MEGF9: variants seen among roughly 807,000 people sequenced by gnomAD.
MEGF9 encodes multiple epidermal growth factor-like domains protein 9.
A neutral mutation model predicts 46.8 loss-of-function variants in MEGF9; 6 were observed. That is an observed-to-expected ratio of 0.13 (90% CI 0.07 to 0.25). The LOEUF is 0.25. Among genes scored for constraint, MEGF9 ranks in the 10% least tolerant of loss-of-function variants. The pLI is 1.00. For missense variants in MEGF9, 683 were observed against 792.4 expected, an observed-to-expected ratio of 0.86 and a Z score of 1.66; for synonymous variants, 302 against 330.7, an observed-to-expected ratio of 0.91 and a Z score of 0.94.
intron 1 of MEGF9, among the ~76,000 whole-genome samples, chr9:120,664,737 A>T (rs1300385318): frequency 6.6e-6 from 1 of 152,222 alleles, no homozygotes. Flanking sequence ...TGGTGGCTAT[A>T]ACTAATACAG....
At chr9:120,673,587 T>C (rs1014561692) in intron 1 of MEGF9, among the ~76,000 whole-genome samples, 1 of 151,810 alleles carries the variant, frequency 6.6e-6, no homozygotes, top group African/African-American at 2.4e-5. Context: ...AAGGATGCTT[T>C]TTTTTTTTTA....
intron 1 of MEGF9, among the ~76,000 whole-genome samples, chr9:120,705,317 T>C (rs1391942880): frequency 6.6e-6 from 1 of 151,714 alleles, no homozygotes; most frequent in Non-Finnish European, 1.5e-5. Flanking sequence ...CACTAACACA[T>C]CTTTAAGGAC....
chr9:120,713,462 T>G (rs868029180), intron 1 of MEGF9, among the ~76,000 whole-genome samples: 1 of 152,094 alleles, frequency 6.6e-6, no homozygotes, highest in Non-Finnish European at 1.5e-5. Flanking sequence ...AACCCAAAAG[T>G]TTGCGCCCAT....
At chr9:120,625,562 G>A (rs1267562340) in intron 2 of MEGF9, among the ~76,000 whole-genome samples, 1 of 151,574 alleles carries the variant, frequency 6.6e-6, no homozygotes, top group African/African-American at 2.4e-5. Context: ...TCGGCCAGGT[G>A]CAGTGGCTCA....
chr9:120,665,178 C>T (rs1249201712), intron 1 of MEGF9, among the ~76,000 whole-genome samples: 2 of 151,476 alleles, frequency 1.3e-5, no homozygotes, highest in Non-Finnish European at 2.9e-5. Flanking sequence ...TTCTCACCTA[C>T]CCTTCATGGC....
At position 120,713,854 on chromosome 9, in the gene MEGF9, T is replaced by G; in HGVS notation, c.505A>C (p.Thr169Pro). The G allele has an allele frequency of 7.7e-7, 1 of 1,297,142 alleles. No homozygotes were observed. The highest frequency in any genetic ancestry group is 2.9e-5 in the South Asian group (1 of 33,940). The allele number at this position is 1,297,142 out of a possible 1,614,324, so 80.4% of individuals were successfully genotyped here. A position where few individuals can be genotyped will look rare whatever the true frequency, so the allele number is the denominator to read the frequency against. Residue 169 changes from threonine to proline, a missense_variant, in exon 1 of 6, where the codon ACT becomes CCT. Physicochemically the swap from Thr to Pro is conservative, Grantham distance 38 (BLOSUM62 -1). Transcript: ENST00000373930. ...AGATCGGGGGTCGGGGTCCGGGGAG[T>G]CGTGGGCGCCGGTACGGTGGTCGCT... The part of the protein sequence containing the change: ...PVATTVPAPT[T>P]PRTPTPDLPS...
intron 1 of MEGF9, among the ~76,000 whole-genome samples, chr9:120,711,953 A>G (rs1278636572): frequency 6.6e-6 from 1 of 152,096 alleles, no homozygotes; most frequent in African/African-American, 2.4e-5. Flanking sequence ...AGTAAGTGTT[A>G]ACTTATTTAA....
At chr9:120,693,467 A>G (rs1342582608) in intron 1 of MEGF9, among the ~76,000 whole-genome samples, 2 of 152,222 alleles carry the variant, frequency 1.3e-5, no homozygotes, top group African/African-American at 4.8e-5. Flanking sequence ...TCTATTACAC[A>G]AGATCATCAA....
chr9:120,628,882 T>C (rs540675583), intron 2 of MEGF9, among the ~76,000 whole-genome samples: 5 of 152,306 alleles, frequency 3.3e-5, no homozygotes, highest in South Asian at 2.1e-4. Context: ...CTTTAGAGAA[T>C]TGTCTTGAAA....
At chr9:120,674,557 C>A (rs1156299172) in intron 1 of MEGF9, among the ~76,000 whole-genome samples, 1 of 151,960 alleles carries the variant, frequency 6.6e-6, no homozygotes, top group Non-Finnish European at 1.5e-5. Flanking sequence ...TTGACAGTTT[C>A]TTTCTTTCTT....
intron 2 of MEGF9, among the ~76,000 whole-genome samples, chr9:120,658,139 C>T (rs1162873408): frequency 6.6e-6 from 1 of 152,072 alleles, no homozygotes; most frequent in Non-Finnish European, 1.5e-5. Context: ...TGTGTGCCAC[C>T]ACGCCCAGCT....
At chr9:120,632,334 G>A (rs555589159) in intron 2 of MEGF9, among the ~76,000 whole-genome samples, 258 of 97,966 alleles carry the variant, frequency 2.6e-3, no homozygotes, top group African/African-American at 9.4e-3. Context: ...TTATTCCTAA[G>A]TGTTTTTTTT....
chr9:120,665,870 T>C (rs1466836042), intron 1 of MEGF9, among the ~76,000 whole-genome samples: 1 of 152,252 alleles, frequency 6.6e-6, no homozygotes, highest in Non-Finnish European at 1.5e-5. Flanking sequence ...CCCCAATGTG[T>C]GTTCTGGGCA....
intron 1 of MEGF9, among the ~76,000 whole-genome samples, chr9:120,694,979 T>C (rs1266375659): frequency 3.3e-5 from 5 of 151,736 alleles, no homozygotes; most frequent in Admixed American, 1.3e-4. Context: ...TAACAAATAT[T>C]TACCACAGAC....
At chr9:120,678,553 A>C (rs2043783814) in intron 1 of MEGF9, among the ~76,000 whole-genome samples, 1 of 152,076 alleles carries the variant, frequency 6.6e-6, no homozygotes, top group Admixed American at 6.5e-5. Context: ...GCTCACTGCA[A>C]CCTCTGCCTC....
rs184708436 is a variant in MEGF9 at position 120,713,614 on chromosome 9, G to A, written c.601+144C>T. On this transcript the variant is annotated intron_variant, in intron 1 of 5. Transcript: ENST00000373930. ...TTGATCGGGGGCGGGAGGGAGACTA[G>A]CTGGACCTGGGATCCCCCCTCGGGA... is the stretch of plus-strand genomic sequence containing the variant. 3.4e-5 allele frequency: 39 copies of A among 1,149,736 alleles called. No homozygotes were observed. In the East Asian group the frequency reaches 1.2e-3, roughly 36 times the overall value. The allele number at this position is 1,149,736 out of a possible 1,614,324, so 71.2% of individuals were successfully genotyped here.
rs551312932 is a variant in MEGF9, at chr9:120,706,258, T to C, written c.601+7500A>G. Among the ~76,000 whole-genome samples, 15 of 152,272 alleles carry C rather than the reference T, an allele frequency of 9.9e-5. 1 individual carries two copies. In the South Asian group the frequency reaches 2.9e-3, roughly 29 times the overall value. ...GATAAAAAGACCTAGATTATTTCAA[T>C]GTGTAAATTTTCAACTAGCCAGGAG... On this transcript the variant is annotated intron_variant, in intron 1 of 5. Transcript: ENST00000373930.
chr9:120,622,459 T>C (rs1343987545), intron 3 of MEGF9, among the ~76,000 whole-genome samples, 157 bp downstream of exon 3: 2 of 142,080 alleles, frequency 1.4e-5, no homozygotes, highest in African/African-American at 5.0e-5. Flanking sequence ...TTCAAGTTTG[T>C]TGTAGCAGGA....
chr9:120,605,340 G>A lies in MEGF9; in HGVS notation c.1659C>T (p.Ile553=), dbSNP rs775680586. The A allele has an allele frequency of 6.8e-6, 11 of 1,614,002 alleles. No individual in the cohort carries two copies. The African/African-American group carries it at 1.1e-4, about 16-fold the overall frequency. Residue 553 remains isoleucine (I), a synonymous_variant, in exon 6 of 6, where the codon ATC becomes ATT. Transcript: ENST00000373930. This position sits in a 1 kb window ranked among gnomAD's most constrained non-coding sequence, Gnocchi z 4.0. ...AACTGATATTGTCTTCTTTCAGCTCGATGGTCCAAAAGGGGGCATTGAGTT... is the reference window on the plus strand; with the variant it reads ...AACTGATATTGTCTTCTTTCAGCTCAATGGTCCAAAAGGGGGCATTGAGTT... ...NRKLNAPFWT[I]ELKEDNISFS... is the part of the protein sequence containing the mutation.
Sources: gnomAD v4.1 joint callset for allele counts (sites outside exome capture counted in the v4.1 genomes callset) on GRCh38, gnomAD v4.1.1 for gene constraint, Gnocchi (gnomAD v3.1) non-coding constraint, MANE v1.5 for transcripts, NCBI Gene and HGNC (gene_info 2026-07-23, HGNC 2026-07-21) for gene names.